Variants in FOCAD observed in about 807,000 individuals in gnomAD.
FOCAD encodes the protein focadhesin.
FOCAD carries 198 observed loss-of-function variants against 225.6 expected under a neutral mutation model. The observed-to-expected ratio is 0.88, with a 90% CI of 0.78 to 0.99. The LOEUF (loss-of-function observed/expected upper bound fraction) is 0.99, where lower values mean the gene tolerates loss of function less well. FOCAD is among the 50% of genes least tolerant of loss of function. The probability of loss-of-function intolerance (pLI) is 0.00; values close to 1 mark genes in which losing one functional copy is unlikely to be tolerated. For synonymous variants in FOCAD, 897 were observed against 755.0 expected, an observed-to-expected ratio of 1.19 and a Z score of -3.08; for missense variants, 2,713 against 2,123.6, an observed-to-expected ratio of 1.28 and a Z score of -5.46.
chr9:20,735,255 A>G (rs1264367136), intron 4 of FOCAD, among the ~76,000 whole-genome samples: 1 of 152,084 alleles, frequency 6.6e-6, no homozygotes, highest in Admixed American at 6.5e-5. Context: ...CACTCTGCTA[A>G]AAACTTTCCC....
At chr9:20,944,900 A>G (rs1415574930) in intron 29 of FOCAD, 126 bp downstream of exon 29, 8 of 1,034,866 alleles carry the variant, frequency 7.7e-6, no homozygotes, top group African/African-American at 1.6e-5. Flanking sequence ...GAAAATCTGA[A>G]TGACAAACAA....
intron 15 of FOCAD, among the ~76,000 whole-genome samples, chr9:20,860,167 T>A (rs1003420484): frequency 2.0e-5 from 3 of 152,328 alleles, no homozygotes; most frequent in African/African-American, 4.8e-5. Flanking sequence ...ATAACTATAA[T>A]ACAGTTATTG....
chr9:20,953,336 C>A (rs4579612), intron 35 of FOCAD, among the ~76,000 whole-genome samples: 109,445 of 152,078 alleles, frequency 0.72, 39,665 homozygotes, highest in East Asian at 0.94. Flanking sequence ...TGGCCCTTTC[C>A]AAAGTATAAG....
At chr9:20,811,535 C>A (rs1823076520) in intron 11 of FOCAD, among the ~76,000 whole-genome samples, 1 of 151,972 alleles carries the variant, frequency 6.6e-6, no homozygotes, top group South Asian at 2.1e-4. Flanking sequence ...TTATTTGACT[C>A]TTAAAGGTTA....
chr9:20,746,575 C>T (rs980527497), intron 5 of FOCAD, among the ~76,000 whole-genome samples: 1 of 152,150 alleles, frequency 6.6e-6, no homozygotes, highest in African/African-American at 2.4e-5. Context: ...TTGCTCTTTG[C>T]CATGTTTGCA....
intron 13 of FOCAD, 42 bp downstream of exon 13, chr9:20,820,467 C>CTG (rs1355808911): frequency 6.6e-7 from 1 of 1,516,850 alleles, no homozygotes; most frequent in African/African-American, 1.4e-5. Flanking sequence ...AAATATGTTC[C>CTG]TTTCACTGAA....
chr9:20,662,953 G>T (rs1821778909), intron 2 of FOCAD, among the ~76,000 whole-genome samples: 1 of 152,168 alleles, frequency 6.6e-6, no homozygotes, highest in Non-Finnish European at 1.5e-5. Context: ...GTTGTCTTGA[G>T]TCTAATGTAT....
intron 1 of FOCAD, chr9:20,658,664 C>G (rs1489456760): frequency 6.4e-6 from 1 of 155,078 alleles, no homozygotes; most frequent in Non-Finnish European, 1.4e-5. Flanking sequence ...ACCCACTGAC[C>G]TGCGCCCACT....
chr9:20,867,435 A>G (rs1437345909), intron 18 of FOCAD, among the ~76,000 whole-genome samples: 1 of 151,942 alleles, frequency 6.6e-6, no homozygotes, highest in African/African-American at 2.4e-5. Context: ...GTATCTGTGA[A>G]TGGTATATAG....
chr9:20,918,529 C>A (rs571088450), intron 24 of FOCAD, among the ~76,000 whole-genome samples: 2 of 152,130 alleles, frequency 1.3e-5, no homozygotes, highest in South Asian at 2.1e-4. Flanking sequence ...CGAGACCATC[C>A]CGGCTAAAAC....
rs769200839 is a variant in FOCAD at position 20,949,711 on chromosome 9, C to T, written c.3948+36C>T. 4 of 1,485,442 alleles carry T rather than the reference C, an allele frequency of 2.7e-6. No individual in the cohort carries two copies. In the South Asian group the frequency reaches 3.4e-5, roughly 13 times the overall value. 92.0% of individuals were successfully genotyped at this position (1,485,442 alleles called of 1,614,324 possible). A position where few individuals can be genotyped will look rare whatever the true frequency, so the allele number is the denominator to read the frequency against. ...GAATTTAAAATCCTTGGGTGGAAAA[C>T]ATATCCCCCTTTGTTGTCTTTTTTT... On this transcript the variant is annotated intron_variant, in intron 33 of 43. Coordinates refer to ENST00000338382, the MANE Select transcript of FOCAD (RefSeq NM_001375567.1).
intron 40 of FOCAD, among the ~76,000 whole-genome samples, chr9:20,986,810 G>T (rs191792343): frequency 4.6e-5 from 7 of 152,188 alleles, no homozygotes; most frequent in Non-Finnish European, 8.8e-5. Context: ...CATGAAAATG[G>T]CTTTTGGGTA....
Position 20,982,455 on chromosome 9 carries a change from A to G in FOCAD, c.4728+9A>G, listed in dbSNP as rs778123910. 4 of 1,596,548 alleles carry G rather than the reference A, an allele frequency of 2.5e-6. No individual in the cohort carries two copies. The highest frequency in any genetic ancestry group is 1.7e-4 in the Middle Eastern group (1 of 6,020). ...TCGCCCAGGTTACTAAGGTAATAAC[A>G]TATCTTTCTATACCTTTTTTCATTA... On this transcript the variant is annotated intron_variant, in intron 39 of 43. Transcript: ENST00000338382.
At chr9:20,820,493 C>A in intron 13 of FOCAD, 68 bp downstream of exon 13, 2 of 1,334,810 alleles carry the variant, frequency 1.5e-6, no homozygotes, top group East Asian at 2.4e-5. Context: ...ATAATTATGT[C>A]ATATATGGCA....
chr9:20,992,574 T>G (rs1394793837), intron 42 of FOCAD, among the ~76,000 whole-genome samples: 1 of 151,834 alleles, frequency 6.6e-6, no homozygotes, highest in Non-Finnish European at 1.5e-5. Context: ...TTGGGCAAGG[T>G]TTTTAATCTC....
intron 15 of FOCAD, among the ~76,000 whole-genome samples, chr9:20,844,748 G>A (rs1826909775): frequency 6.6e-6 from 1 of 152,002 alleles, no homozygotes; most frequent in Non-Finnish European, 1.5e-5. Context: ...GGTATTTAGA[G>A]GATTTAAACT....
At chr9:20,769,912 C>A in intron 7 of FOCAD, 120 bp from the exon 8 acceptor site, 2 of 823,394 alleles carry the variant, frequency 2.4e-6, no homozygotes, top group Non-Finnish European at 3.7e-6. Context: ...TTTTTTTCAT[C>A]TCCTTTAAGT....
intron 28 of FOCAD, among the ~76,000 whole-genome samples, chr9:20,938,566 C>CGA (rs544092466): frequency 2.1e-5 from 2 of 97,504 alleles, no homozygotes; most frequent in Non-Finnish European, 2.3e-5. Context: ...ACATCACACA[C>CGA]GGGGGCCTGT....
intron 15 of FOCAD, among the ~76,000 whole-genome samples, chr9:20,832,556 A>G (rs1039121191): frequency 8.5e-5 from 13 of 152,086 alleles, no homozygotes; most frequent in African/African-American, 3.1e-4. Context: ...CAATCTAATT[A>G]CACTCTTTAA....
Sources: allele counts gnomAD v4.1 joint callset (sites outside exome capture counted in the v4.1 genomes callset), GRCh38; gene constraint gnomAD v4.1.1; transcripts MANE v1.5; gene names NCBI Gene and HGNC (gene_info 2026-07-23, HGNC 2026-07-21).